The following DNER variants were observed in gnomAD, a reference collection of about 807,000 sequenced individuals.
The protein encoded by DNER is delta/notch like EGF repeat containing.
Under a neutral mutation model 78.2 loss-of-function variants are expected in DNER, and 33 were observed. The observed-to-expected ratio is 0.42, with a 90% CI of 0.32 to 0.56. The LOEUF is 0.56. Ranked by LOEUF, DNER falls within the 20% of genes least tolerant of loss-of-function variation. The probability of loss-of-function intolerance (pLI) is 0.11; values close to 1 mark genes in which losing one functional copy is unlikely to be tolerated. For missense variants in DNER, 918 were observed against 975.3 expected, an observed-to-expected ratio of 0.94 and a Z score of 0.78; for synonymous variants, 417 against 384.8, an observed-to-expected ratio of 1.08 and a Z score of -0.98.
chr2:229,521,341 G>A (rs908577494), intron 5 of DNER, among the ~76,000 whole-genome samples: 5 of 152,214 alleles, frequency 3.3e-5, no homozygotes, highest in African/African-American at 1.2e-4. Context: ...ATTGGTCAGG[G>A]TCTAGCGAGA....
Position 229,558,780 on chromosome 2 carries a change from C to T in DNER, c.848-11688G>A, listed in dbSNP as rs138465711. On this transcript the variant is annotated intron_variant, in intron 4 of 12. Transcript: ENST00000341772. Reference sequence around the variant, plus strand: ...GGTAGGAGGTAGCATTTAGGTTGAGCCCTGAAGGTGAAAATGAGCCAGCAA... The same window carrying T: ...GGTAGGAGGTAGCATTTAGGTTGAGTCCTGAAGGTGAAAATGAGCCAGCAA... Among the ~76,000 whole-genome samples, 164 of 152,206 alleles carry T rather than the reference C, an allele frequency of 1.1e-3. 2 individuals are homozygous for T. In the East Asian group the frequency reaches 0.022, roughly 20 times the overall value.
rs1695893127 is a variant in DNER at position 229,512,855 on chromosome 2, G to A, written c.1075C>T (p.Gln359Ter). ...GCATCAATACAGCTCGCGTTGTTTT[G>A]GCAAGGTTTCCTCTGGCAAGCATCG... ...EYDACQRKPCQNNASCIDANE... is the reference protein window; with the variant it reads ...EYDACQRKPC Residue 359 changes from glutamine to a stop codon, truncating the protein, a stop_gained, in exon 6 of 13, where the codon CAA becomes TAA. Transcript: ENST00000341772. LOFTEE classifies it high-confidence loss of function. 6.2e-7 allele frequency: 1 copy of A among 1,613,962 alleles called. No homozygotes were observed.
intron 5 of DNER, among the ~76,000 whole-genome samples, chr2:229,534,856 G>C (rs1488668327): frequency 6.6e-6 from 1 of 151,594 alleles, no homozygotes. Context: ...TTTATTTTGA[G>C]ATGGAGTCTT....
At chr2:229,427,431 T>A (rs1177291882) in intron 8 of DNER, among the ~76,000 whole-genome samples, 2 of 152,222 alleles carry the variant, frequency 1.3e-5, no homozygotes, top group Non-Finnish European at 2.9e-5. Context: ...ACTGGGGCTA[T>A]CTGGTGAGTA....
At chr2:229,569,201 A>G (rs1467451530) in intron 4 of DNER, among the ~76,000 whole-genome samples, 1 of 152,168 alleles carries the variant, frequency 6.6e-6, no homozygotes, top group Non-Finnish European at 1.5e-5. Context: ...AGGAACCCCC[A>G]CAGATACCAA....
intron 1 of DNER, among the ~76,000 whole-genome samples, chr2:229,671,369 T>C (rs1417970054): frequency 6.6e-6 from 1 of 152,142 alleles, no homozygotes; most frequent in African/African-American, 2.4e-5. Context: ...TTCCTCCAAA[T>C]CTCCTCTAGC....
intron 1 of DNER, among the ~76,000 whole-genome samples, chr2:229,709,680 C>T (rs1249506288): frequency 6.6e-6 from 1 of 152,068 alleles, no homozygotes; most frequent in Non-Finnish European, 1.5e-5. Context: ...GAAAAGCAGC[C>T]ACACATGTCC....
intron 3 of DNER, 142 bp downstream of exon 3, chr2:229,588,252 G>T: frequency 1.5e-6 from 1 of 688,626 alleles, no homozygotes; most frequent in Non-Finnish European, 2.4e-6. Context: ...GTTTTCAAAT[G>T]GCAGGGGCCA....
intron 6 of DNER, among the ~76,000 whole-genome samples, chr2:229,484,369 G>A (rs1350703030): frequency 1.3e-5 from 2 of 152,172 alleles, no homozygotes; most frequent in Non-Finnish European, 2.9e-5. Context: ...ACTGCAATGA[G>A]CAACTGTCCT....
chr2:229,687,015 T>C (rs528239238), intron 1 of DNER, among the ~76,000 whole-genome samples: 2 of 152,360 alleles, frequency 1.3e-5, no homozygotes, highest in South Asian at 2.1e-4. Flanking sequence ...AATTTTATTT[T>C]ATGCACCTTA....
chr2:229,597,607 G>A (rs1399971048), intron 1 of DNER, among the ~76,000 whole-genome samples: 11 of 152,098 alleles, frequency 7.2e-5, no homozygotes, highest in Non-Finnish European at 8.8e-5. Context: ...GATATTTTCC[G>A]AGCTATAATT....
chr2:229,707,451 T>C (rs573236732), intron 1 of DNER, among the ~76,000 whole-genome samples: 3 of 152,278 alleles, frequency 2.0e-5, no homozygotes, highest in Non-Finnish European at 4.4e-5. Context: ...ACAAGGGAAA[T>C]GATTAAACAG....
chr2:229,498,973 A>G (rs1004898308), intron 6 of DNER, among the ~76,000 whole-genome samples: 1 of 152,230 alleles, frequency 6.6e-6, no homozygotes, highest in Middle Eastern at 3.2e-3. Flanking sequence ...GAGTAAAAAG[A>G]GCAAAGCAGG....
At chr2:229,435,624 G>A (rs1449331651) in intron 8 of DNER, among the ~76,000 whole-genome samples, 1 of 152,128 alleles carries the variant, frequency 6.6e-6, no homozygotes, top group Non-Finnish European at 1.5e-5. Flanking sequence ...AGTACCACCA[G>A]GTACTACATA....
intron 5 of DNER, among the ~76,000 whole-genome samples, chr2:229,537,279 G>A (rs532039731): frequency 1.4e-4 from 22 of 152,162 alleles, no homozygotes; most frequent in African/African-American, 3.6e-4. Flanking sequence ...GTTTTTTCTC[G>A]TAGTGAACAT....
At chr2:229,679,237 A>G (rs1247958613) in intron 1 of DNER, among the ~76,000 whole-genome samples, 1 of 152,240 alleles carries the variant, frequency 6.6e-6, no homozygotes, top group African/African-American at 2.4e-5. Flanking sequence ...TTACTATAGT[A>G]TTTAAAGATC....
rs762015697 is a variant in DNER, at chr2:229,591,926, TAAGAA to T, written c.277-43_277-39del. ...CATAAATGGGTCAATTATTCCCTCA[TAAGAA>T]AAGTGGTGCCATCGCTGGGAAATTA... is the stretch of plus-strand genomic sequence containing the variant. On this transcript the variant is annotated intron_variant, in intron 1 of 12. Coordinates refer to ENST00000341772, the MANE Select transcript of DNER (RefSeq NM_139072.4). The surrounding 1 kb of genome is among the most constrained non-coding windows in gnomAD (Gnocchi z 4.6). 11 of 1,462,550 alleles carry T rather than the reference TAAGAA, an allele frequency of 7.5e-6. No homozygotes were observed. Among genetic ancestry groups the T allele is most frequent in the Non-Finnish European group, 9.9e-6 (11 of 1,110,742 alleles). 90.6% of individuals were successfully genotyped at this position (1,462,550 alleles called of 1,614,324 possible).
At chr2:229,437,404 G>A (rs1391830920) in intron 8 of DNER, among the ~76,000 whole-genome samples, 1 of 152,106 alleles carries the variant, frequency 6.6e-6, no homozygotes. Context: ...CAAATTAATG[G>A]GCATGATAGA....
chr2:229,435,577 A>G (rs1694105820), intron 8 of DNER, among the ~76,000 whole-genome samples: 1 of 152,208 alleles, frequency 6.6e-6, no homozygotes, highest in Admixed American at 6.5e-5. Flanking sequence ...TAAAAAAGGT[A>G]TTTTTACGGA....
Sources: allele counts gnomAD v4.1 joint callset (sites outside exome capture counted in the v4.1 genomes callset), GRCh38; gene constraint gnomAD v4.1.1; non-coding constraint Gnocchi (gnomAD v3.1); transcripts MANE v1.5; gene names NCBI Gene and HGNC (gene_info 2026-07-23, HGNC 2026-07-21).